The following MAST4 variants were observed in gnomAD, a reference collection of about 807,000 sequenced individuals.
MAST4 encodes the protein microtubule associated serine/threonine kinase family member 4, also known as microtubule-associated serine/threonine-protein kinase 4.
Under a neutral mutation model 162.7 loss-of-function variants are expected in MAST4, and 89 were observed. The observed-to-expected ratio is 0.55, with a 90% CI of 0.46 to 0.65. The LOEUF (loss-of-function observed/expected upper bound fraction) is 0.65, where lower values mean the gene tolerates loss of function less well. MAST4 is among the 30% of genes least tolerant of loss of function. The pLI is 0.00. For synonymous variants in MAST4, 1,479 were observed against 1,361.1 expected, an observed-to-expected ratio of 1.09 and a Z score of -1.91; for missense variants, 3,153 against 3,374.0, an observed-to-expected ratio of 0.93 and a Z score of 1.62.
At chr5:66,828,420 G>C (rs867364557) in intron 3 of MAST4, among the ~76,000 whole-genome samples, 139 of 152,262 alleles carry the variant, frequency 9.1e-4, no homozygotes, top group African/African-American at 3.1e-3. Flanking sequence ...CTTTTACAGA[G>C]GTGTCTGTCA....
At chr5:66,666,711 CCTATAAT>C (rs1413075045) in intron 1 of MAST4, among the ~76,000 whole-genome samples, 1 of 152,132 alleles carries the variant, frequency 6.6e-6, no homozygotes, top group Non-Finnish European at 1.5e-5. Flanking sequence ...TACTGAAGCC[CCTATAAT>C]TCATGCAGCT....
At chr5:66,962,855 A>G (rs562955953) in intron 4 of MAST4, among the ~76,000 whole-genome samples, 28 of 152,368 alleles carry the variant, frequency 1.8e-4, no homozygotes, top group Admixed American at 9.8e-4. Context: ...AATAGTTGGT[A>G]ACTGACTAGC....
chr5:67,018,793 C>A (rs1753629592), intron 4 of MAST4, among the ~76,000 whole-genome samples: 1 of 152,034 alleles, frequency 6.6e-6, no homozygotes, highest in Non-Finnish European at 1.5e-5. Flanking sequence ...ATTACAAGTA[C>A]CTTATTTGCT....
intron 3 of MAST4, among the ~76,000 whole-genome samples, chr5:66,862,042 G>A (rs890205354): frequency 6.6e-6 from 1 of 152,102 alleles, no homozygotes; most frequent in Admixed American, 6.5e-5. Flanking sequence ...CCTTTCCTGC[G>A]ACCCTGGCCA....
chr5:67,165,698 C>T lies in MAST4; in HGVS notation c.6519C>T (p.Ser2173=). 6.3e-7 allele frequency: 1 copy of T among 1,579,732 alleles called. No homozygotes were observed. The highest frequency in any genetic ancestry group is 8.6e-7 in the Non-Finnish European group (1 of 1,163,878). ...CCAAGCCCAGCACTGCAGAGCCCAG[C>T]TCGAGCCCCCAGGACCCTCCCAAGC... is the stretch of plus-strand genomic sequence containing the variant. ...PGAKPSTAEP[S]SSPQDPPKPV... The change falls in exon 29 of 29, where the codon AGC becomes AGT. Residue 2173 remains serine, a synonymous_variant. Coordinates refer to ENST00000403625, the MANE Select transcript of MAST4 (RefSeq NM_001164664.2).
intron 1 of MAST4, among the ~76,000 whole-genome samples, chr5:66,667,448 C>T (rs1439181951): frequency 2.0e-5 from 3 of 152,078 alleles, no homozygotes; most frequent in Non-Finnish European, 4.4e-5. Flanking sequence ...GAGATTCAGT[C>T]GCATTTTAGG....
At chr5:66,628,583 T>A (rs1020587412) in intron 1 of MAST4, among the ~76,000 whole-genome samples, 1 of 151,808 alleles carries the variant, frequency 6.6e-6, no homozygotes, top group African/African-American at 2.4e-5. Context: ...AAATTATTAT[T>A]ATTTTTTTTA....
At chr5:67,012,110 G>C (rs925563464) in intron 4 of MAST4, among the ~76,000 whole-genome samples, 1 of 152,082 alleles carries the variant, frequency 6.6e-6, no homozygotes, top group Non-Finnish European at 1.5e-5. Context: ...ATTCTCTAAT[G>C]GTTTTGCTTG....
chr5:66,728,192 A>T (rs1426166043), intron 1 of MAST4, among the ~76,000 whole-genome samples: 4 of 152,186 alleles, frequency 2.6e-5, no homozygotes, highest in African/African-American at 9.6e-5. Flanking sequence ...TACTTTGCTC[A>T]TTTTAATTTG....
At chr5:66,612,616 A>G (rs1743365703) in intron 1 of MAST4, among the ~76,000 whole-genome samples, 1 of 152,202 alleles carries the variant, frequency 6.6e-6, no homozygotes, top group African/African-American at 2.4e-5. Context: ...GAGCACACAC[A>G]GTGACTCGAC....
At chr5:66,756,491 T>TGAACTCC (rs1307329273) in intron 1 of MAST4, among the ~76,000 whole-genome samples, 1 of 152,180 alleles carries the variant, frequency 6.6e-6, no homozygotes, top group Admixed American at 6.5e-5. Flanking sequence ...GCCTCTGTCT[T>TGAACTCC]TAGTTCAACT....
intron 3 of MAST4, among the ~76,000 whole-genome samples, chr5:66,871,994 T>A (rs1252600457): frequency 6.6e-6 from 1 of 152,222 alleles, no homozygotes; most frequent in South Asian, 2.1e-4. Flanking sequence ...AGCAAGCCAC[T>A]GATACTGATT....
At position 67,020,331 on chromosome 5, in the gene MAST4, C is replaced by G. The variant is rs74811487; in HGVS notation, c.675-34073C>G. The stretch of plus-strand genomic sequence containing the variant: ...ATGAGGTTGTTTTACAAAATTCTCT[C>G]AGAGATTGTTGGAATTCTGGGAGCA... On this transcript the variant is annotated intron_variant, in intron 4 of 28. Transcript: ENST00000403625. Among the ~76,000 whole-genome samples, 982 of 152,274 alleles carry G rather than the reference C, an allele frequency of 6.4e-3. 8 individuals carry two copies. The highest frequency in any genetic ancestry group is 0.011 in the Non-Finnish European group (777 of 68,004).
At chr5:66,781,283 G>C (rs952875255) in intron 2 of MAST4, among the ~76,000 whole-genome samples, 1 of 152,208 alleles carries the variant, frequency 6.6e-6, no homozygotes, top group Non-Finnish European at 1.5e-5. Flanking sequence ...CCTGCTCCCA[G>C]GTTAGTGGTG....
At position 66,831,322 on chromosome 5, in the gene MAST4, A is replaced by G. The variant is rs1757580990; in HGVS notation, c.642+42528A>G. On this transcript the variant is annotated intron_variant, in intron 3 of 28. Coordinates refer to ENST00000403625, the MANE Select transcript of MAST4 (RefSeq NM_001164664.2). ...GACAGGCTAATATAGGGGAGTTTAC[A>G]TTATTTTTAAAAGCATCTGTGCATT... 4.6e-5 allele frequency among the ~76,000 whole-genome samples: 7 copies of G among 152,184 alleles called. No individual in the cohort carries two copies. In the South Asian group the frequency reaches 1.2e-3, roughly 27 times the overall value.
At chr5:67,053,321 A>C (rs1270323513) in intron 4 of MAST4, among the ~76,000 whole-genome samples, 1 of 152,234 alleles carries the variant, frequency 6.6e-6, no homozygotes, top group Non-Finnish European at 1.5e-5. Flanking sequence ...ATGTTATCTC[A>C]CTGTACCTAA....
At position 66,596,702 on chromosome 5, in the gene MAST4, G is replaced by T. The variant is rs1169330888; in HGVS notation, c.47G>T (p.Cys16Phe). The change falls in exon 1 of 29, where the codon TGC becomes TTC. Residue 16 changes from cysteine to phenylalanine, a missense_variant. Cys to Phe is a radical substitution (Grantham distance 205). Around this residue, in one of 7 missense-constraint regions of MAST4, gnomAD observed 327 missense variants for 336.5 expected, o/e 0.97. Coordinates refer to ENST00000403625, the MANE Select transcript of MAST4 (RefSeq NM_001164664.2). Reference protein sequence around the residue: ...SEAPEPVPRGCSGHGSRTPAS... With the variant: ...SEAPEPVPRGFSGHGSRTPAS... Reference sequence around the variant, plus strand: ...GCGCCAGAGCCGGTGCCCCGCGGCTGCAGTGGCCACGGCAGCCGGACTCCA... The same window carrying T: ...GCGCCAGAGCCGGTGCCCCGCGGCTTCAGTGGCCACGGCAGCCGGACTCCA... 8 of 1,468,112 alleles carry T rather than the reference G, an allele frequency of 5.4e-6. No homozygotes were observed. Among genetic ancestry groups the T allele is most frequent in the Admixed American group, 2.4e-5 (1 of 41,168 alleles). 90.9% of individuals were successfully genotyped at this position (1,468,112 alleles called of 1,614,324 possible). A position where few individuals can be genotyped will look rare whatever the true frequency, so the allele number is the denominator to read the frequency against.
chr5:67,162,079 A>G (rs7708143), intron 27 of MAST4, among the ~76,000 whole-genome samples: 5,727 of 152,130 alleles, frequency 0.038, 122 homozygotes, highest in Non-Finnish European at 0.05. Flanking sequence ...GGTTTTTTCT[A>G]TGTCGTTGTA....
At chr5:66,619,604 C>T (rs1248506246) in intron 1 of MAST4, among the ~76,000 whole-genome samples, 1 of 151,832 alleles carries the variant, frequency 6.6e-6, no homozygotes, top group African/African-American at 2.4e-5. Flanking sequence ...ACTAATTTTC[C>T]CTCCACCGAG....
Sources: gnomAD v4.1 joint callset for allele counts (sites outside exome capture counted in the v4.1 genomes callset) on GRCh38, gnomAD v4.1.1 for gene constraint, gnomAD v4.1.1 regional missense constraint, MANE v1.5 for transcripts, NCBI Gene and HGNC (gene_info 2026-07-23, HGNC 2026-07-21) for gene names.